The following CHD7 variants were observed in gnomAD, a reference collection of about 807,000 sequenced individuals.
The protein encoded by CHD7 is chromodomain helicase DNA binding protein 7.
In CHD7, 24 loss-of-function variants were observed where a neutral mutation model predicts 307.3. That is an observed-to-expected ratio of 0.08 (90% CI 0.06 to 0.11). The LOEUF (loss-of-function observed/expected upper bound fraction) is 0.11, where lower values mean the gene tolerates loss of function less well. Ranked by LOEUF, CHD7 falls within the 10% of genes least tolerant of loss-of-function variation. The pLI is 1.00. For missense variants in CHD7, 3,106 were observed against 3,727.1 expected (o/e 0.83, Z 4.34); for synonymous variants, 1,363 against 1,349.9 (o/e 1.01, Z -0.21).
chr8:60,806,342 G>GA (rs1328638354), intron 6 of CHD7, among the ~76,000 whole-genome samples: 3 of 152,074 alleles, frequency 2.0e-5, no homozygotes, highest in Non-Finnish European at 4.4e-5. Context: ...CAGCCTGGAT[G>GA]ACAGAGCAAG....
rs749460189 is a variant in CHD7, at chr8:60,816,095, T to TTGTC, written c.2499-274_2499-271dup. Among the ~76,000 whole-genome samples, 4,751 of 140,388 alleles carry TTGTC rather than the reference T, an allele frequency of 0.034. 124 individuals are homozygous for TTGTC. The highest frequency in any genetic ancestry group is 0.057 in the African/African-American group (2,020 of 35,510). 92.1% of individuals were successfully genotyped at this position (140,388 alleles called of 152,430 possible). On this transcript the variant is annotated intron_variant, in intron 7 of 37. Coordinates refer to ENST00000423902, the MANE Select transcript of CHD7 (RefSeq NM_017780.4). ...CCATTCTCTCTCTTCTCTGTCTCTT[T>TTGTC]TGTCTGTCTGTCTGTCTGTCTCTCT... is the stretch of plus-strand genomic sequence containing the variant.
At chr8:60,725,091 G>T (rs1355734118) in intron 1 of CHD7, among the ~76,000 whole-genome samples, 1 of 152,172 alleles carries the variant, frequency 6.6e-6, no homozygotes, top group African/African-American at 2.4e-5. Context: ...CCTAGTCACA[G>T]CGATAAGCCC....
chr8:60,865,786 T>C lies in CHD7; in HGVS notation c.8847T>C (p.Asp2949=), dbSNP rs764171407. ...AGGCTGAGGGAGGACCCTTTAAAGA[T>C]GGAGAGACCCTTGAAGGCAGCGATG... is the stretch of plus-strand genomic sequence containing the variant. ...ADKAEGGPFK[D]GETLEGSDAE... The change falls in exon 38 of 38, where the codon GAT becomes GAC. Residue 2949 remains aspartate (D), a synonymous_variant. Transcript: ENST00000423902. This position sits in a 1 kb window ranked among gnomAD's most constrained non-coding sequence, Gnocchi z 4.3. The C allele has an allele frequency of 1.9e-6, 3 of 1,613,972 alleles. No individual in the cohort carries two copies. Among genetic ancestry groups the C allele is most frequent in the South Asian group, 1.1e-5 (1 of 91,082 alleles).
intron 1 of CHD7, among the ~76,000 whole-genome samples, chr8:60,711,698 C>T (rs531760014): frequency 5.9e-5 from 9 of 152,284 alleles, no homozygotes; most frequent in Admixed American, 3.9e-4. Context: ...TAATTGTCTA[C>T]CATAGAAGTT....
At chr8:60,723,426 C>T (rs1308819553) in intron 1 of CHD7, among the ~76,000 whole-genome samples, 1 of 152,102 alleles carries the variant, frequency 6.6e-6, no homozygotes, top group African/African-American at 2.4e-5. Context: ...CTCAGTTATG[C>T]AATCTGCTTC....
intron 34 of CHD7, among the ~76,000 whole-genome samples, chr8:60,860,476 C>G (rs1307116154): frequency 6.6e-6 from 1 of 152,212 alleles, no homozygotes; most frequent in African/African-American, 2.4e-5. Flanking sequence ...ACTCTGTTGC[C>G]TAGGCTGGAG....
intron 1 of CHD7, among the ~76,000 whole-genome samples, chr8:60,736,813 G>A (rs1284727579): frequency 6.6e-6 from 1 of 152,176 alleles, no homozygotes; most frequent in Non-Finnish European, 1.5e-5. Flanking sequence ...CATGTGAAAG[G>A]TGTTACGTAT....
intron 7 of CHD7, among the ~76,000 whole-genome samples, chr8:60,813,565 T>C (rs75991722): frequency 0.018 from 2,682 of 152,260 alleles, 71 homozygotes; most frequent in African/African-American, 0.053. Flanking sequence ...ACAAAATACC[T>C]ATCAATTCCT....
rs1350201986 is a variant in CHD7, at chr8:60,820,104, A to G, written c.2697+14A>G. 6 of 1,566,178 alleles carry G rather than the reference A, an allele frequency of 3.8e-6. No homozygotes were observed. The highest frequency in any genetic ancestry group is 1.7e-5 in the Admixed American group (1 of 58,136). ...GACCGGGGAGAGGTAACAGGAGATCATTTGTATTACAAAGTGGTGATTCAG... is the reference window on the plus strand; with the variant it reads ...GACCGGGGAGAGGTAACAGGAGATCGTTTGTATTACAAAGTGGTGATTCAG... On this transcript the variant is annotated intron_variant, in intron 9 of 37. Coordinates refer to ENST00000423902, the MANE Select transcript of CHD7 (RefSeq NM_017780.4).
At position 60,758,938 on chromosome 8, in the gene CHD7, A is replaced by C. The variant is rs546529061; in HGVS notation, c.1665+15841A>C. Reference sequence around the variant, plus strand: ...TTTTTCCTAATGTGAGTTGGTGGCCATTGCAAGAATAACAATTACCAGCGT... The same window carrying C: ...TTTTTCCTAATGTGAGTTGGTGGCCCTTGCAAGAATAACAATTACCAGCGT... On this transcript the variant is annotated intron_variant, in intron 2 of 37. Coordinates refer to ENST00000423902, the MANE Select transcript of CHD7 (RefSeq NM_017780.4). Among the ~76,000 whole-genome samples, 4 of 152,338 alleles carry C rather than the reference A, an allele frequency of 2.6e-5. No homozygotes were observed. The South Asian group carries it at 6.2e-4, about 24-fold the overall frequency.
chr8:60,813,056 T>C (rs1035141600), intron 7 of CHD7, among the ~76,000 whole-genome samples: 3 of 152,210 alleles, frequency 2.0e-5, no homozygotes, highest in African/African-American at 7.2e-5. Context: ...TCTTTTCAGT[T>C]GGTCCAGTTC....
chr8:60,755,067 GC>G (rs926735346), intron 2 of CHD7, among the ~76,000 whole-genome samples: 42 of 152,086 alleles, frequency 2.8e-4, no homozygotes, highest in Non-Finnish European at 5.1e-4. Context: ...GGCACTGAAG[GC>G]CCTGTTGTGA....
At chr8:60,732,950 T>G (rs1201272777) in intron 1 of CHD7, among the ~76,000 whole-genome samples, 1 of 152,102 alleles carries the variant, frequency 6.6e-6, no homozygotes, top group South Asian at 2.1e-4. Context: ...TCAAAAGATA[T>G]GAGACCTGGT....
chr8:60,784,784 A>G (rs886917410), intron 3 of CHD7, among the ~76,000 whole-genome samples: 1 of 152,244 alleles, frequency 6.6e-6, no homozygotes. Context: ...AAACTGTTAC[A>G]TAGAGTGATG....
intron 1 of CHD7, among the ~76,000 whole-genome samples, chr8:60,721,399 G>T (rs1041521811): frequency 5.3e-5 from 8 of 152,284 alleles, no homozygotes; most frequent in African/African-American, 1.9e-4. Context: ...AATGAATCCT[G>T]CCTTGCCAGC....
intron 1 of CHD7, among the ~76,000 whole-genome samples, chr8:60,703,815 C>T (rs1806884560): frequency 6.6e-6 from 1 of 152,208 alleles, no homozygotes; most frequent in South Asian, 2.1e-4. Context: ...TCTGAAACAG[C>T]TCATAAACTC....
At chr8:60,811,614 T>A (rs1812811430) in intron 7 of CHD7, among the ~76,000 whole-genome samples, 1 of 152,200 alleles carries the variant, frequency 6.6e-6, no homozygotes, top group African/African-American at 2.4e-5. Context: ...GTTTTCCAAT[T>A]ACGGATAATG....
At chr8:60,712,141 A>C (rs904651666) in intron 1 of CHD7, among the ~76,000 whole-genome samples, 1 of 152,264 alleles carries the variant, frequency 6.6e-6, no homozygotes, top group Non-Finnish European at 1.5e-5. Flanking sequence ...TTAAAGCTGC[A>C]AATGGCAACT....
chr8:60,825,935 C>G (rs746366442), intron 13 of CHD7, among the ~76,000 whole-genome samples: 38 of 151,928 alleles, frequency 2.5e-4, no homozygotes, highest in Non-Finnish European at 4.6e-4. Context: ...GTTTGCTGCA[C>G]CCATCAACTT....
Sources: gnomAD v4.1 joint callset for allele counts (sites outside exome capture counted in the v4.1 genomes callset) on GRCh38, gnomAD v4.1.1 for gene constraint, Gnocchi (gnomAD v3.1) non-coding constraint, MANE v1.5 for transcripts, NCBI Gene and HGNC (gene_info 2026-07-23, HGNC 2026-07-21) for gene names.